Variants in NLRP7 observed in about 807,000 individuals in gnomAD.
NLRP7 encodes NLR family pyrin domain containing 7, also known as NACHT, LRR and PYD domains-containing protein 7.
NLRP7 carries 72 observed loss-of-function variants against 85.5 expected under a neutral mutation model. That is an observed-to-expected ratio of 0.84 (90% CI 0.70 to 1.02). The LOEUF is 1.02. Among genes scored for constraint, NLRP7 ranks in the 50% least tolerant of loss-of-function variants. The pLI is 0.00. For synonymous variants in NLRP7, 550 were observed against 505.2 expected (o/e 1.09, Z -1.19); for missense variants, 1,243 against 1,219.5 (o/e 1.02, Z -0.29).
At chr19:54,932,715 GC>G (rs1378548127) in intron 8 of NLRP7, among the ~76,000 whole-genome samples, 2 of 151,966 alleles carry the variant, frequency 1.3e-5, no homozygotes, top group Non-Finnish European at 1.5e-5. Flanking sequence ...GAGTGCAGTG[GC>G]GCCATCTCAG....
At chr19:54,932,555 C>A (rs1266797876) in intron 8 of NLRP7, among the ~76,000 whole-genome samples, 1 of 152,172 alleles carries the variant, frequency 6.6e-6, no homozygotes, top group Non-Finnish European at 1.5e-5. Context: ...GTAGCTCACG[C>A]TGGGCTTCTT....
intron 1 of NLRP7, among the ~76,000 whole-genome samples, chr19:54,944,042 G>T (rs1424531385): frequency 1.3e-5 from 2 of 152,066 alleles, no homozygotes; most frequent in Non-Finnish European, 2.9e-5. Flanking sequence ...AGGGACCTCT[G>T]CCTAGAAAAG....
intron 4 of NLRP7, 78 bp downstream of exon 4, chr19:54,938,810 A>T: frequency 6.6e-7 from 1 of 1,508,642 alleles, no homozygotes; most frequent in Non-Finnish European, 9.2e-7. Context: ...CCAGAGGGAA[A>T]TTCTGACAGT....
intron 8 of NLRP7, among the ~76,000 whole-genome samples, chr19:54,931,227 G>A (rs1044744128): frequency 1.3e-5 from 2 of 152,080 alleles, no homozygotes; most frequent in Non-Finnish European, 2.9e-5. Context: ...TTCAAGACCA[G>A]CCTGGCCAAC....
intron 9 of NLRP7, among the ~76,000 whole-genome samples, chr19:54,928,402 C>G (rs2068535723): frequency 6.6e-6 from 1 of 151,824 alleles, no homozygotes. Context: ...TCAAACAAAA[C>G]AAAACAAAAA....
intron 4 of NLRP7, 100 bp downstream of exon 4, chr19:54,938,787 GA>G (rs2069059974): frequency 7.6e-7 from 1 of 1,319,772 alleles, no homozygotes; most frequent in South Asian, 1.2e-5. Flanking sequence ...CATGAAGCTG[GA>G]AAGAAGTCCA....
upstream of NLRP7, among the ~76,000 whole-genome samples, chr19:54,952,468 C>T (rs1312262343): frequency 5.9e-5 from 9 of 151,938 alleles, no homozygotes; most frequent in Admixed American, 5.9e-4. Flanking sequence ...GTAGCGGGTG[C>T]CTGTAACCCC....
chr19:54,941,455 A>G (rs375413670), exon 2 of NLRP7: 9 of 1,611,042 alleles, frequency 5.6e-6, no homozygotes, highest in African/African-American at 4.0e-5. Context: ...AGCCTTTGCC[A>G]TCTTACACAA....
At position 54,934,090 on chromosome 19, in the gene NLRP7, C is replaced by T. The variant is rs2068791187; in HGVS notation, c.2472-351G>A. ...TCCTGAGTAGCTGGGACTACAGGCG[C>T]CCACCACACCTGGATAATTTTTTGT... On this transcript the variant is annotated intron_variant, in intron 7 of 9. Coordinates refer to ENST00000340844, the Ensembl canonical transcript of NLRP7. This position sits in a 1 kb window ranked among gnomAD's most constrained non-coding sequence, Gnocchi z 6.7. Among the ~76,000 whole-genome samples, 1 of 151,990 alleles carries T rather than the reference C, an allele frequency of 6.6e-6. No individual in the cohort carries two copies. The highest frequency in any genetic ancestry group is 6.6e-5 in the Admixed American group (1 of 15,234).
At chr19:54,933,215 G>T (rs567253256) in intron 8 of NLRP7, among the ~76,000 whole-genome samples, 1 of 151,836 alleles carries the variant, frequency 6.6e-6, no homozygotes, top group Admixed American at 6.6e-5. Flanking sequence ...GTGCGATCTC[G>T]GCTCACTGCA....
At chr19:54,924,702 G>A (rs969749625) in intron 9 of NLRP7, among the ~76,000 whole-genome samples, 7 of 151,992 alleles carry the variant, frequency 4.6e-5, no homozygotes, top group East Asian at 1.9e-4. Flanking sequence ...TTGGGAGGCC[G>A]AGGCGGGCAG....
At chr19:54,948,643 TC>T (rs2069572813), upstream of NLRP7, among the ~76,000 whole-genome samples, 1 of 152,142 alleles carries the variant, frequency 6.6e-6, no homozygotes, top group Admixed American at 6.6e-5. Context: ...CAATCTCCAT[TC>T]TTGCAACCTC....
chr19:54,924,937 C>G lies in NLRP7; in HGVS notation c.2811-1065G>C, dbSNP rs572700605. 1.2e-4 allele frequency among the ~76,000 whole-genome samples: 19 copies of G among 152,126 alleles called. No individual in the cohort carries two copies. The South Asian group carries it at 4.0e-3, about 32-fold the overall frequency. ...GGGTGACAGAGCGAGACTCTGCCTC[C>G]AAATAAATAAATAAAAAATAGTGGC... On this transcript the variant is annotated intron_variant, in intron 9 of 9. Coordinates refer to ENST00000340844, the Ensembl canonical transcript of NLRP7.
chr19:54,939,763 G>C, exon 4 of NLRP7: 1 of 1,613,774 alleles, frequency 6.2e-7, no homozygotes, highest in Non-Finnish European at 8.5e-7. Context: ...GGGCCGCGTT[G>C]CTCCTCATTA....
chr19:54,953,836 T>TA (rs759921881), intron 1 of NLRP7, among the ~76,000 whole-genome samples: 81 of 139,128 alleles, frequency 5.8e-4, no homozygotes, highest in Middle Eastern at 3.7e-3. Context: ...CCATCTCTAC[T>TA]AAAAAAAAAA....
At chr19:54,954,457 G>A (rs2069783961) in intron 1 of NLRP7, among the ~76,000 whole-genome samples, 1 of 136,344 alleles carries the variant, frequency 7.3e-6, no homozygotes, top group East Asian at 2.0e-4. Context: ...CTGAACCCAG[G>A]AGGCGGAGCT....
At chr19:54,936,356 G>A (rs759680477) in exon 6 of NLRP7, 1 of 1,614,012 alleles carries the variant, frequency 6.2e-7, no homozygotes, top group Non-Finnish European at 8.5e-7. Flanking sequence ...CCAGGGTCAG[G>A]TGCGTGAGGG....
At chr19:54,951,998 C>T (rs2069685037), upstream of NLRP7, among the ~76,000 whole-genome samples, 1 of 152,038 alleles carries the variant, frequency 6.6e-6, no homozygotes, top group Admixed American at 6.6e-5. Context: ...GTGATCCTCC[C>T]GCCTAGGCCT....
chr19:54,962,019 C>T (rs1013627445), intron 1 of NLRP7, among the ~76,000 whole-genome samples: 5 of 148,748 alleles, frequency 3.4e-5, no homozygotes, highest in East Asian at 2.1e-4. Flanking sequence ...CAAAATTAGC[C>T]GGGCGTGGTG....
Sources: gnomAD v4.1 joint callset for allele counts (sites outside exome capture counted in the v4.1 genomes callset) on GRCh38, gnomAD v4.1.1 for gene constraint, Gnocchi (gnomAD v3.1) non-coding constraint, MANE v1.5 for transcripts, NCBI Gene and HGNC (gene_info 2026-07-23, HGNC 2026-07-21) for gene names.